Variants in THEMIS observed in about 807,000 individuals in gnomAD.
THEMIS encodes the protein protein THEMIS.
Under a neutral mutation model 52.6 loss-of-function variants are expected in THEMIS, and 37 were observed. The observed-to-expected ratio is 0.70, with a 90% confidence interval of 0.54 to 0.93. THEMIS has a LOEUF of 0.93. THEMIS is among the 40% of genes least tolerant of loss of function. The probability of loss-of-function intolerance (pLI) is 0.00; values close to 1 mark genes in which losing one functional copy is unlikely to be tolerated. For missense variants in THEMIS, 808 were observed against 763.1 expected, an observed-to-expected ratio of 1.06 and a Z score of -0.69; for synonymous variants, 292 against 272.7, an observed-to-expected ratio of 1.07 and a Z score of -0.70.
chr6:127,808,976 T>C (rs1266085118), intron 4 of THEMIS, among the ~76,000 whole-genome samples: 1 of 152,236 alleles, frequency 6.6e-6, no homozygotes, highest in Non-Finnish European at 1.5e-5. Context: ...AGATTCTTAC[T>C]CTTAGATTGC....
chr6:127,917,974 C>T (rs993590502), intron 1 of THEMIS, among the ~76,000 whole-genome samples: 3 of 152,138 alleles, frequency 2.0e-5, no homozygotes, highest in Non-Finnish European at 4.4e-5. Context: ...TTATTTCACT[C>T]TTATCTGAGA....
At chr6:127,734,702 C>G (rs1233542721) in intron 4 of THEMIS, among the ~76,000 whole-genome samples, 3 of 151,452 alleles carry the variant, frequency 2.0e-5, no homozygotes, top group Admixed American at 6.6e-5. Flanking sequence ...AACCCCCTCT[C>G]TACTAAAAAT....
intron 4 of THEMIS, among the ~76,000 whole-genome samples, chr6:127,812,556 C>T (rs74440081): frequency 0.012 from 1,766 of 152,196 alleles, 41 homozygotes; most frequent in African/African-American, 0.041. Context: ...AACAGAACTT[C>T]TAAAATAAAA....
chr6:127,761,595 A>G (rs1206485109), intron 4 of THEMIS, among the ~76,000 whole-genome samples: 1 of 152,150 alleles, frequency 6.6e-6, no homozygotes. Context: ...AGCACTAGAG[A>G]AACCCCTGCT....
chr6:127,814,626 G>A (rs1778063255), intron 3 of THEMIS, among the ~76,000 whole-genome samples: 1 of 152,112 alleles, frequency 6.6e-6, no homozygotes, highest in South Asian at 2.1e-4. Context: ...TGCAGAGTGG[G>A]TCACAATCAG....
intron 3 of THEMIS, among the ~76,000 whole-genome samples, chr6:127,819,142 AAAAAAAAG>A (rs1778243283): frequency 6.7e-6 from 1 of 149,786 alleles, no homozygotes; most frequent in Non-Finnish European, 1.5e-5. Context: ...AAAAAAAAAA[AAAAAAAAG>A]AAAGAAATTA....
At position 127,727,236 on chromosome 6, in the gene THEMIS, A is replaced by G. The variant is rs138559204; in HGVS notation, c.1759-7413T>C. ...GCATGATTATTGTCATAACTTTCAT[A>G]GCTCCTATTTTAATGGGAAATCATA... On this transcript the variant is annotated intron_variant, in intron 4 of 5. Transcript: ENST00000368248. Among the ~76,000 whole-genome samples the G allele has an allele frequency of 3.8e-4, 58 of 152,274 alleles. 1 individual carries two copies. The highest frequency in any genetic ancestry group is 1.1e-3 in the Admixed American group (17 of 15,284).
At chr6:127,714,850 C>G (rs774612310) in intron 5 of THEMIS, among the ~76,000 whole-genome samples, 2 of 151,846 alleles carry the variant, frequency 1.3e-5, no homozygotes, top group Admixed American at 6.6e-5. Context: ...AACTGTTTTT[C>G]CCTCTCAATA....
At chr6:127,845,102 C>T (rs1779171776) in intron 2 of THEMIS, among the ~76,000 whole-genome samples, 1 of 150,326 alleles carries the variant, frequency 6.7e-6, no homozygotes, top group South Asian at 2.1e-4. Flanking sequence ...GCTTGTCAAA[C>T]TCTGCAAATC....
chr6:127,816,462 T>C (rs1040519790), intron 3 of THEMIS, among the ~76,000 whole-genome samples: 1 of 152,170 alleles, frequency 6.6e-6, no homozygotes, highest in African/African-American at 2.4e-5. Flanking sequence ...AAATCTAATC[T>C]TCCTCCAAAA....
rs11355741 is a variant in THEMIS at position 127,832,777 on chromosome 6, C to CTTTTTTTTTTTTTTTTTT, written c.251-2861_251-2844dup. On this transcript the variant is annotated intron_variant, in intron 2 of 5. Coordinates refer to ENST00000368248, the MANE Select transcript of THEMIS (RefSeq NM_001010923.3). ...CTATTTCCACCTAGGATTGTCAGAT[C>CTTTTTTTTTTTTTTTTTT]TTTTTTTTTTTTTTTTTTTTTTTTG... Among the ~76,000 whole-genome samples, 37 of 57,802 alleles carry CTTTTTTTTTTTTTTTTTT rather than the reference C, an allele frequency of 6.4e-4. 8 individuals are homozygous for CTTTTTTTTTTTTTTTTTT. The highest frequency in any genetic ancestry group is 7.5e-4 in the Non-Finnish European group (26 of 34,830). The allele number at this position is 57,802 out of a possible 152,430, so 37.9% of individuals were successfully genotyped here. A position where few individuals can be genotyped will look rare whatever the true frequency, so the allele number is the denominator to read the frequency against.
At chr6:127,823,755 A>G (rs1291385003) in intron 3 of THEMIS, among the ~76,000 whole-genome samples, 1 of 152,110 alleles carries the variant, frequency 6.6e-6, no homozygotes, top group Non-Finnish European at 1.5e-5. Flanking sequence ...AACTAATTTA[A>G]TTAGGTAGTG....
At chr6:127,869,756 AG>A (rs745381240) in intron 1 of THEMIS, among the ~76,000 whole-genome samples, 1 of 152,190 alleles carries the variant, frequency 6.6e-6, no homozygotes, top group Non-Finnish European at 1.5e-5. Flanking sequence ...CCTCAACAAA[AG>A]CCTGTTCTCT....
At chr6:127,735,477 C>T (rs138638294) in intron 4 of THEMIS, among the ~76,000 whole-genome samples, 11 of 152,100 alleles carry the variant, frequency 7.2e-5, no homozygotes, top group East Asian at 3.9e-4. Flanking sequence ...TTTGGATGCA[C>T]GTGATTTTTA....
At chr6:127,870,064 C>T (rs1175135834) in intron 1 of THEMIS, among the ~76,000 whole-genome samples, 1 of 152,196 alleles carries the variant, frequency 6.6e-6, no homozygotes, top group Non-Finnish European at 1.5e-5. Context: ...TCCCCAACCC[C>T]TGTCAGGGAA....
chr6:127,753,990 C>T (rs772445224), intron 4 of THEMIS, among the ~76,000 whole-genome samples: 10 of 151,900 alleles, frequency 6.6e-5, no homozygotes, highest in Non-Finnish European at 1.3e-4. Context: ...ATATCTATGG[C>T]CTTAATGGTG....
rs1163477503 is a variant in THEMIS at position 127,813,747 on chromosome 6, T to C, written c.894A>G (p.Gln298=). Residue 298 remains glutamine, a synonymous_variant, in exon 4 of 6, where the codon CAA becomes CAG. Transcript: ENST00000368248. The stretch of plus-strand genomic sequence containing the variant: ...TGGTTTTCCCAGGCTGTAAAATGCT[T>C]TGGGGCAGGTGGTTTCCTTCAGGTG... ...IEAPEGNHLP[Q]SILQPGKTIV... 2 of 1,613,926 alleles carry C rather than the reference T, an allele frequency of 1.2e-6. No homozygotes were observed. Among genetic ancestry groups the C allele is most frequent in the Admixed American group, 1.7e-5 (1 of 59,974 alleles).
In THEMIS at chr6:127,730,459, AAGAAAG is replaced by A. The variant is rs774327080; in HGVS notation, c.1759-10642_1759-10637del. Reference sequence around the variant, plus strand: ...AGGAAGAGAACAAACGAAAGAAAGAAAGAAAGAGAAAGAGACAGAAAGAAGAAAGAA... The same window carrying A: ...AGGAAGAGAACAAACGAAAGAAAGAAAGAAAGAGACAGAAAGAAGAAAGAA... On this transcript the variant is annotated intron_variant, in intron 4 of 5. Coordinates refer to ENST00000368248, the MANE Select transcript of THEMIS (RefSeq NM_001010923.3). Among the ~76,000 whole-genome samples the A allele has an allele frequency of 2.3e-3, 351 of 149,812 alleles. 2 individuals carry two copies. Among genetic ancestry groups the A allele is most frequent in the Middle Eastern group, 3.4e-3 (1 of 292 alleles).
At chr6:127,775,720 G>A (rs966302945) in intron 4 of THEMIS, among the ~76,000 whole-genome samples, 1 of 151,254 alleles carries the variant, frequency 6.6e-6, no homozygotes, top group Non-Finnish European at 1.5e-5. Context: ...TAATATAAAT[G>A]AAATGATACA....
Sources: allele counts gnomAD v4.1 joint callset (sites outside exome capture counted in the v4.1 genomes callset), GRCh38; gene constraint gnomAD v4.1.1; transcripts MANE v1.5; gene names NCBI Gene and HGNC (gene_info 2026-07-23, HGNC 2026-07-21).